The following GRAMD1B variants were observed in gnomAD, a reference collection of about 807,000 sequenced individuals.
The protein encoded by GRAMD1B is GRAM domain containing 1B.
Under a neutral mutation model 99.7 loss-of-function variants are expected in GRAMD1B, and 37 were observed. That is an observed-to-expected ratio of 0.37 (90% CI 0.29 to 0.49). GRAMD1B has a LOEUF of 0.49. Among genes scored for constraint, GRAMD1B ranks in the 20% least tolerant of loss-of-function variants. The pLI is 0.98. For synonymous variants in GRAMD1B, 427 were observed against 387.6 expected (o/e 1.10, Z -1.19); for missense variants, 888 against 1,009.2 (o/e 0.88, Z 1.63).
chr11:123,380,453 C>T (rs1486397489), intron 1 of GRAMD1B, among the ~76,000 whole-genome samples: 2 of 152,154 alleles, frequency 1.3e-5, no homozygotes, highest in African/African-American at 2.4e-5. Context: ...TTGCAAGTGA[C>T]CCAAAAGGTT....
chr11:123,369,820 C>T (rs902364406), intron 1 of GRAMD1B, among the ~76,000 whole-genome samples: 7 of 151,584 alleles, frequency 4.6e-5, no homozygotes, highest in East Asian at 1.9e-4. Context: ...TGCAATGAAC[C>T]GAGTTCCCGC....
At chr11:123,560,889 C>A (rs1160541808) in intron 2 of GRAMD1B, among the ~76,000 whole-genome samples, 2 of 152,138 alleles carry the variant, frequency 1.3e-5, no homozygotes, top group African/African-American at 4.8e-5. Context: ...ACAAACCTTT[C>A]AAGGCAGAGT....
chr11:123,468,359 C>A lies in GRAMD1B; in HGVS notation c.375-12457C>A, dbSNP rs1950810141. ...CATTCATCAGATATGTATTATACAC[C>A]TAATATGTGCTAGGCACTGTGGGTG... On this transcript the variant is annotated intron_variant, in intron 1 of 19. Transcript: ENST00000635736. 2.0e-5 allele frequency among the ~76,000 whole-genome samples: 3 copies of A among 152,106 alleles called. No homozygotes were observed. The South Asian group carries it at 6.2e-4, about 31-fold the overall frequency.
At chr11:123,609,031 A>G (rs1260242498) in intron 12 of GRAMD1B, among the ~76,000 whole-genome samples, 3 of 150,192 alleles carry the variant, frequency 2.0e-5, no homozygotes, top group Non-Finnish European at 4.4e-5. Context: ...TTCCCACTAC[A>G]CACCAGGCAC....
At chr11:123,598,015 T>G (rs1592204232) in intron 7 of GRAMD1B, 1 of 1,300,190 alleles carries the variant, frequency 7.7e-7, no homozygotes, top group East Asian at 2.3e-5. Context: ...AGTCTTCATA[T>G]TCTTCCTCAG....
intron 2 of GRAMD1B, chr11:123,560,558 C>A: frequency 1.1e-6 from 1 of 906,284 alleles, no homozygotes; most frequent in Non-Finnish European, 1.6e-6. Context: ...TCAGGGCCCC[C>A]GCTCCCCGCC....
chr11:123,467,249 G>A (rs1950725969), intron 1 of GRAMD1B, among the ~76,000 whole-genome samples: 1 of 152,244 alleles, frequency 6.6e-6, no homozygotes, highest in South Asian at 2.1e-4. Flanking sequence ...TTGGGAGGCC[G>A]AGGTGGGAGG....
At chr11:123,487,000 CAG>C (rs753552990) in intron 2 of GRAMD1B, among the ~76,000 whole-genome samples, 8 of 152,192 alleles carry the variant, frequency 5.3e-5, no homozygotes, top group South Asian at 2.1e-4. Context: ...GTCCAGGAGG[CAG>C]AGAGTGCAGT....
At chr11:123,552,106 C>T (rs1212181571) in intron 2 of GRAMD1B, among the ~76,000 whole-genome samples, 1 of 152,002 alleles carries the variant, frequency 6.6e-6, no homozygotes, top group Non-Finnish European at 1.5e-5. Context: ...TGTGCGTTCT[C>T]CTCTGGAGAA....
intron 1 of GRAMD1B, chr11:123,459,806 G>A (rs1950327965): frequency 6.8e-6 from 1 of 147,926 alleles, no homozygotes; most frequent in Non-Finnish European, 1.5e-5. Context: ...TGGGTCTTAG[G>A]TAAATTTGTT....
At chr11:123,572,546 A>G (rs1948224191) in intron 2 of GRAMD1B, among the ~76,000 whole-genome samples, 1 of 152,326 alleles carries the variant, frequency 6.6e-6, no homozygotes, top group African/African-American at 2.4e-5. Flanking sequence ...CTGAGTTAGA[A>G]CTAGAACTGC....
At chr11:123,363,991 G>A (rs942874723) in intron 1 of GRAMD1B, among the ~76,000 whole-genome samples, 2 of 152,166 alleles carry the variant, frequency 1.3e-5, no homozygotes, top group Admixed American at 6.5e-5. Context: ...CCAATCAATC[G>A]GACATGGTTG....
intron 1 of GRAMD1B, among the ~76,000 whole-genome samples, chr11:123,446,268 A>G (rs964683973): frequency 6.6e-6 from 1 of 151,916 alleles, no homozygotes; most frequent in Admixed American, 6.6e-5. Flanking sequence ...CAGGTTCAAG[A>G]GATTCTCCCG....
chr11:123,572,384 T>C (rs73615836), intron 2 of GRAMD1B, among the ~76,000 whole-genome samples: 3,528 of 152,308 alleles, frequency 0.023, 151 homozygotes, highest in African/African-American at 0.08. Context: ...CATTATAAAG[T>C]TGGTTTGAAA....
chr11:123,493,715 G>C (rs1565297992), intron 2 of GRAMD1B, among the ~76,000 whole-genome samples: 1 of 152,212 alleles, frequency 6.6e-6, no homozygotes, highest in East Asian at 1.9e-4. Context: ...GGCTCACTTT[G>C]ATTAAATTCT....
At chr11:123,456,934 A>AG (rs957013640) in intron 1 of GRAMD1B, among the ~76,000 whole-genome samples, 13 of 149,534 alleles carry the variant, frequency 8.7e-5, no homozygotes, top group Admixed American at 2.0e-4. Context: ...AAAAAAAAAA[A>AG]AAAGAAAAAG....
At chr11:123,559,580 GC>G (rs1259563173) in intron 2 of GRAMD1B, 1 of 617,530 alleles carries the variant, frequency 1.6e-6, no homozygotes, top group South Asian at 7.1e-5. Flanking sequence ...TCCTCTGGGG[GC>G]TGTCTGAGTA....
chr11:123,540,946 C>T (rs763760059), intron 2 of GRAMD1B, among the ~76,000 whole-genome samples: 1 of 152,000 alleles, frequency 6.6e-6, no homozygotes, highest in Non-Finnish European at 1.5e-5. Context: ...AAATAAATGT[C>T]ATGACTAGCA....
intron 1 of GRAMD1B, among the ~76,000 whole-genome samples, chr11:123,403,929 G>A (rs12284170): frequency 0.093 from 14,129 of 152,092 alleles, 1,229 homozygotes; most frequent in African/African-American, 0.23. Context: ...AAAAATTGAC[G>A]CATCTTGTAA....
Sources: allele counts gnomAD v4.1 joint callset (sites outside exome capture counted in the v4.1 genomes callset), GRCh38; gene constraint gnomAD v4.1.1; transcripts MANE v1.5; gene names NCBI Gene and HGNC (gene_info 2026-07-23, HGNC 2026-07-21).